The following CYB561A3 variants were observed in gnomAD, a reference collection of about 807,000 sequenced individuals.
CYB561A3 encodes lysosomal membrane ascorbate-dependent ferrireductase CYB561A3.
In CYB561A3, 16 loss-of-function variants were observed where a neutral mutation model predicts 25.3. The ratio of observed to expected loss-of-function variants is 0.63; its 90% CI spans 0.43 to 0.96. CYB561A3 has a LOEUF of 0.96. Ranked by LOEUF, CYB561A3 falls within the 40% of genes least tolerant of loss-of-function variation. The pLI, the probability that CYB561A3 is intolerant of heterozygous loss-of-function variation, is 0.00. For synonymous variants in CYB561A3, 131 were observed against 129.9 expected, an observed-to-expected ratio of 1.01 and a Z score of -0.06; for missense variants, 219 against 307.5, an observed-to-expected ratio of 0.71 and a Z score of 2.15.
intron 1 of CYB561A3, chr11:61,358,280 G>A (rs1237929102): frequency 1.3e-5 from 2 of 152,122 alleles, no homozygotes; most frequent in Admixed American, 6.6e-5. Context: ...GCCAGGAGTG[G>A]TGGTGGGCGC....
intron 1 of CYB561A3, chr11:61,358,734 T>C (rs1006426389): frequency 9.9e-5 from 15 of 151,416 alleles, no homozygotes; most frequent in African/African-American, 2.7e-4. Flanking sequence ...TCTAAAAATA[T>C]ATATATATAC....
chr11:61,357,195 A>T (rs532903165), intron 2 of CYB561A3: 1 of 1,551,464 alleles, frequency 6.4e-7, no homozygotes, highest in East Asian at 2.4e-5. Flanking sequence ...CAAACACCCC[A>T]CTATTACCCT....
chr11:61,353,167 A>T (rs2135113263), intron 4 of CYB561A3, 28 bp from the exon 5 acceptor site: 1 of 1,577,116 alleles, frequency 6.3e-7, no homozygotes, highest in Non-Finnish European at 8.6e-7. Context: ...GACACACCCG[A>T]CTGTGCTATG....
Position 61,351,072 on chromosome 11 carries a change from C to T in CYB561A3, c.624G>A (p.Val208=), listed in dbSNP as rs1857382990. ...VFANSTGMLV[V]AFGLLVLYIL... Reference sequence around the variant, plus strand: ...TGTAGAGCACCAGCAGCCCAAAGGCCACCACCAGCATCCCGGTGCTGTTGG... The same window carrying T: ...TGTAGAGCACCAGCAGCCCAAAGGCTACCACCAGCATCCCGGTGCTGTTGG... The change falls in exon 6 of 7, where the codon GTG becomes GTA. Residue 208 remains valine, a synonymous_variant. Coordinates refer to ENST00000294072, the MANE Select transcript of CYB561A3 (RefSeq NM_153611.6). The T allele has an allele frequency of 6.2e-7, 1 of 1,613,896 alleles. No homozygotes were observed. The highest frequency in any genetic ancestry group is 1.1e-5 in the South Asian group (1 of 91,066).
At chr11:61,350,464 C>G in intron 6 of CYB561A3, 42 bp from the exon 7 acceptor site, 1 of 1,607,026 alleles carries the variant, frequency 6.2e-7, no homozygotes, top group Non-Finnish European at 8.5e-7. Flanking sequence ...TGACATGATG[C>G]AGGAGTCACA....
intron 4 of CYB561A3, 152 bp downstream of exon 4, chr11:61,353,632 G>T: frequency 2.2e-6 from 2 of 892,854 alleles, no homozygotes; most frequent in Non-Finnish European, 3.6e-6. Context: ...ACCTCCCACA[G>T]CCCTTGAATA....
chr11:61,353,148 A>G lies in CYB561A3; in HGVS notation c.394-9T>C. 1 of 1,595,662 alleles carries G rather than the reference A, an allele frequency of 6.3e-7. No individual in the cohort carries two copies. Among genetic ancestry groups the G allele is most frequent in the East Asian group, 2.2e-5 (1 of 44,822 alleles). On this transcript the variant is annotated splice_polypyrimidine_tract_variant and intron_variant, in intron 4 of 6. Coordinates refer to ENST00000294072, the MANE Select transcript of CYB561A3 (RefSeq NM_153611.6). ...GCAAAGCCCAGGAACCACTGTGGAC[A>G]AAAGGGAGGACACACCCGACTGTGC...
Position 61,351,139 on chromosome 11 carries a change from GTGT to G in CYB561A3, c.554_556del (p.Asn185del). ...GGGCAGGCTGTGGTATGGCCTGGTG[GTGT>G]TTTTCCTGAAGATGACAAAACAATG... On this transcript the variant is annotated inframe_deletion, in exon 6 of 7. Transcript: ENST00000294072. The G allele has an allele frequency of 6.2e-7, 1 of 1,607,666 alleles. No homozygotes were observed. Among genetic ancestry groups the G allele is most frequent in the Non-Finnish European group, 8.5e-7 (1 of 1,177,832 alleles).
At chr11:61,351,280 C>CTTTAT in intron 5 of CYB561A3, 133 bp from the exon 6 acceptor site, 1 of 718,928 alleles carries the variant, frequency 1.4e-6, no homozygotes, top group Non-Finnish European at 2.0e-6. Context: ...TTTTAACACC[C>CTTTAT]TTTCTTTTTT....
At chr11:61,350,787 G>A (rs1419360633) in intron 6 of CYB561A3, 1 of 694,884 alleles carries the variant, frequency 1.4e-6, no homozygotes, top group Non-Finnish European at 2.3e-6. Context: ...CCAATGGACA[G>A]ACTGGGGAGT....
chr11:61,350,769 T>C (rs1057117415), intron 6 of CYB561A3: 7 of 636,838 alleles, frequency 1.1e-5, no homozygotes, highest in Admixed American at 6.4e-5. Flanking sequence ...GGGGGGAAAT[T>C]CTGTCTCCCA....
rs575330098 is a variant in CYB561A3, at chr11:61,356,670, G to C, written c.44C>G (p.Ser15Cys). 19 of 1,614,150 alleles carry C rather than the reference G, an allele frequency of 1.2e-5. No homozygotes were observed. The South Asian group carries it at 1.9e-4, about 16-fold the overall frequency. The change falls in exon 3 of 7, where the codon TCC becomes TGC. Residue 15 changes from serine to cysteine, a missense_variant. By Grantham distance (112) the Ser-to-Cys change is moderately radical. Transcript: ENST00000294072. ...GAAGAGGATGCACATAGAGCCCAGGGACCCCAGCAGCAGGCAGGACAAGTA... is the reference window on the plus strand; with the variant it reads ...GAAGAGGATGCACATAGAGCCCAGGCACCCCAGCAGCAGGCAGGACAAGTA... ...RFYLSCLLLG[S>C]LGSMCILFTI...
chr11:61,361,969 C>T (rs552221082), upstream of CYB561A3: 15 of 152,470 alleles, frequency 9.8e-5, no homozygotes, highest in African/African-American at 3.6e-4. Flanking sequence ...AGTCCGGAGA[C>T]CAGGGGTGGC....
chr11:61,353,742 A>G, intron 4 of CYB561A3, 42 bp downstream of exon 4: 2 of 1,597,686 alleles, frequency 1.3e-6, no homozygotes, highest in African/African-American at 1.3e-5. Context: ...ACCAGAGCTC[A>G]TGGCTCTGGG....
At chr11:61,352,311 T>TC (rs1171626657) in intron 5 of CYB561A3, 2 of 152,016 alleles carry the variant, frequency 1.3e-5, no homozygotes, top group Non-Finnish European at 1.5e-5. Flanking sequence ...CCCTCATTTT[T>TC]TTTATTTTTA....
chr11:61,352,764 GAC>G (rs1366606030), intron 5 of CYB561A3: 4 of 1,388,404 alleles, frequency 2.9e-6, no homozygotes, highest in East Asian at 2.6e-5. Context: ...TACTGTTTCT[GAC>G]ACACAGCAGG....
At chr11:61,353,410 A>G in intron 4 of CYB561A3, 1 of 608,082 alleles carries the variant, frequency 1.6e-6, no homozygotes, top group Non-Finnish European at 3.0e-6. Flanking sequence ...CCTTGCTCAT[A>G]AAACTCTTCA....
chr11:61,357,292 C>A, intron 2 of CYB561A3: 1 of 1,488,976 alleles, frequency 6.7e-7, no homozygotes, highest in South Asian at 1.2e-5. Flanking sequence ...GGCCTTCACT[C>A]CACTGCCCAC....
chr11:61,350,248 A>G lies in CYB561A3; in HGVS notation c.*151T>C. ...GCAGACAGGCAGCAAGCGGCCGGAG[A>G]GGGCAGGCCAGCACCCAGGCAAGAA... is the stretch of plus-strand genomic sequence containing the variant. On this transcript the variant is annotated 3_prime_UTR_variant, in exon 7 of 7. Transcript: ENST00000294072. 3.0e-6 allele frequency: 3 copies of G among 996,628 alleles called. No homozygotes were observed. Among genetic ancestry groups the G allele is most frequent in the East Asian group, 2.6e-5 (1 of 37,966 alleles). 61.7% of individuals were successfully genotyped at this position (996,628 alleles called of 1,614,324 possible).
Sources: gnomAD v4.1 joint callset for allele counts on GRCh38, gnomAD v4.1.1 for gene constraint, MANE v1.5 for transcripts, NCBI Gene and HGNC (gene_info 2026-07-23, HGNC 2026-07-21) for gene names.